ENTHD1: variants seen among roughly 807,000 people sequenced by gnomAD.
ENTHD1 encodes the protein ENTH domain containing 1.
ENTHD1 carries 23 observed loss-of-function variants against 39.1 expected under a neutral mutation model. The observed-to-expected ratio is 0.59, with a 90% confidence interval of 0.42 to 0.83. ENTHD1 has a LOEUF of 0.83. Ranked by LOEUF, ENTHD1 falls within the 40% of genes least tolerant of loss-of-function variation. The pLI is 0.00. For missense variants in ENTHD1, 624 were observed against 705.4 expected (o/e 0.88, Z 1.31); for synonymous variants, 230 against 258.2 (o/e 0.89, Z 1.05).
chr22:39,878,911 A>G (rs1053551234), intron 2 of ENTHD1, among the ~76,000 whole-genome samples: 2 of 152,160 alleles, frequency 1.3e-5, no homozygotes, highest in African/African-American at 4.8e-5. Flanking sequence ...AGAAATCAGA[A>G]TTATTTTATT....
At chr22:39,780,930 G>A (rs1443111209) in intron 5 of ENTHD1, among the ~76,000 whole-genome samples, 1 of 150,726 alleles carries the variant, frequency 6.6e-6, no homozygotes, top group African/African-American at 2.4e-5. Context: ...ACCCAGGAGG[G>A]GGAGCTTGCA....
intron 5 of ENTHD1, among the ~76,000 whole-genome samples, chr22:39,798,052 G>A (rs1359422371): frequency 6.6e-6 from 1 of 152,034 alleles, no homozygotes; most frequent in Non-Finnish European, 1.5e-5. Flanking sequence ...TCACCTTCTT[G>A]AACATCCCAG....
intron 5 of ENTHD1, among the ~76,000 whole-genome samples, chr22:39,780,247 T>C (rs1237864981): frequency 6.6e-6 from 1 of 151,858 alleles, no homozygotes; most frequent in Non-Finnish European, 1.5e-5. Context: ...TGTCATGGCA[T>C]GCGCCTGTAG....
chr22:39,839,032 T>A (rs2065925795), intron 3 of ENTHD1, among the ~76,000 whole-genome samples: 1 of 152,176 alleles, frequency 6.6e-6, no homozygotes, highest in South Asian at 2.1e-4. Context: ...AACAGTTTGC[T>A]TGTTTTTTCT....
chr22:39,756,083 G>A (rs1381098963), intron 6 of ENTHD1, among the ~76,000 whole-genome samples: 4 of 152,102 alleles, frequency 2.6e-5, no homozygotes, highest in Non-Finnish European at 4.4e-5. Flanking sequence ...CTCTAGGACT[G>A]GGAGCTTTGC....
intron 5 of ENTHD1, among the ~76,000 whole-genome samples, chr22:39,766,539 A>T (rs1457421741): frequency 6.6e-6 from 1 of 152,210 alleles, no homozygotes; most frequent in Non-Finnish European, 1.5e-5. Flanking sequence ...GGTTGTGTTC[A>T]TGAAACGAGA....
chr22:39,797,719 G>A (rs1231278555), intron 5 of ENTHD1, among the ~76,000 whole-genome samples: 2 of 152,072 alleles, frequency 1.3e-5, no homozygotes, highest in Non-Finnish European at 2.9e-5. Context: ...AGTATTCTTG[G>A]CTGGAAAGTT....
chr22:39,855,877 C>T (rs1474273909), intron 3 of ENTHD1, among the ~76,000 whole-genome samples: 4 of 152,298 alleles, frequency 2.6e-5, no homozygotes, highest in Non-Finnish European at 5.9e-5. Context: ...AAGCTGCTAG[C>T]ATTTTTGTGG....
intron 2 of ENTHD1, among the ~76,000 whole-genome samples, chr22:39,871,268 A>T (rs1160213539): frequency 6.6e-6 from 1 of 152,096 alleles, no homozygotes; most frequent in African/African-American, 2.4e-5. Context: ...TTGAACATGA[A>T]TATCTGTTCT....
intron 6 of ENTHD1, among the ~76,000 whole-genome samples, chr22:39,762,556 A>C (rs939043555): frequency 3.9e-5 from 6 of 151,940 alleles, no homozygotes; most frequent in Admixed American, 1.3e-4. Flanking sequence ...GGCTCAAGTG[A>C]TCCTCCTGCC....
At position 39,765,397 on chromosome 22, in the gene ENTHD1, C is replaced by T. The variant is rs1214498229; in HGVS notation, c.1045G>A (p.Val349Ile). Residue 349 changes from valine (V) to isoleucine (I), a missense_variant, in exon 6 of 7, where the codon GTA (valine) becomes ATA (isoleucine). Val to Ile is a conservative substitution (Grantham distance 29, BLOSUM62 3). Coordinates refer to ENST00000325157, the MANE Select transcript of ENTHD1 (RefSeq NM_152512.4). ...KEEFISPDLR[V>I]SKSDSTFHNQ... ...TGGAAAGTAGAATCTGACTTTGATA[C>T]CCTTAAGTCGGGGCTGATAAACTCC... 6.2e-7 allele frequency: 1 copy of T among 1,613,930 alleles called. No individual in the cohort carries two copies. The highest frequency in any genetic ancestry group is 8.5e-7 in the Non-Finnish European group (1 of 1,179,946).
chr22:39,893,651 A>C (rs1601677744), intron 1 of ENTHD1, 44 bp downstream of exon 1: 1 of 152,284 alleles, frequency 6.6e-6, no homozygotes. Flanking sequence ...ATGTTTCCAG[A>C]CCCGCCTTGA....
At chr22:39,766,149 G>C (rs6001674) in intron 5 of ENTHD1, among the ~76,000 whole-genome samples, 1 of 150,758 alleles carries the variant, frequency 6.6e-6, no homozygotes, top group Non-Finnish European at 1.5e-5. Flanking sequence ...ACTTTAGGTA[G>C]AAGCTTAATT....
At chr22:39,799,658 G>A (rs1414182756) in intron 5 of ENTHD1, among the ~76,000 whole-genome samples, 1 of 152,168 alleles carries the variant, frequency 6.6e-6, no homozygotes, top group Non-Finnish European at 1.5e-5. Context: ...CAGCCCATTC[G>A]TCCAGTGCGC....
chr22:39,850,841 C>A (rs567127225), intron 3 of ENTHD1, among the ~76,000 whole-genome samples: 1 of 152,134 alleles, frequency 6.6e-6, no homozygotes, highest in Admixed American at 6.5e-5. Context: ...TGGCTACCCA[C>A]TATTCTAGTT....
At chr22:39,848,156 C>T (rs1218684254) in intron 3 of ENTHD1, among the ~76,000 whole-genome samples, 1 of 152,230 alleles carries the variant, frequency 6.6e-6, no homozygotes, top group African/African-American at 2.4e-5. Context: ...TTCAAGCCAA[C>T]AATAGTGCTT....
chr22:39,841,131 T>C (rs1295893034), intron 3 of ENTHD1, among the ~76,000 whole-genome samples: 1 of 152,214 alleles, frequency 6.6e-6, no homozygotes, highest in Admixed American at 6.5e-5. Flanking sequence ...GTAACAAGAA[T>C]AGTACAAAGA....
In ENTHD1 at chr22:39,766,019, C is replaced by CAAAAAA. The variant is rs11367784; in HGVS notation, c.833-416_833-411dup. On this transcript the variant is annotated intron_variant, in intron 5 of 6. Transcript: ENST00000325157. ...TCTATCCTTACAGAACCCTCAGCTA[C>CAAAAAA]AAAAAAAAAAAAAAAAAAAAAAAAA... 4.2e-3 allele frequency among the ~76,000 whole-genome samples: 202 copies of CAAAAAA among 48,364 alleles called. 2 individuals carry two copies. Among genetic ancestry groups the CAAAAAA allele is most frequent in the South Asian group, 5.7e-3 (4 of 702 alleles). The allele number at this position is 48,364 out of a possible 152,430, so 31.7% of individuals were successfully genotyped here.
chr22:39,812,007 C>T lies in ENTHD1; in HGVS notation c.832+8986G>A, dbSNP rs1159689579. ...AAAAACAAAAACAAAAACAAACAAACAAACAAACAAAAAAAAAACGACATA... is the reference window on the plus strand; with the variant it reads ...AAAAACAAAAACAAAAACAAACAAATAAACAAACAAAAAAAAAACGACATA... On this transcript the variant is annotated intron_variant, in intron 5 of 6. Transcript: ENST00000325157. Among the ~76,000 whole-genome samples, 49 of 25,228 alleles carry T rather than the reference C, an allele frequency of 1.9e-3. 1 individual carries two copies. The highest frequency in any genetic ancestry group is 8.9e-3 in the African/African-American group (46 of 5,186). 16.6% of individuals were successfully genotyped at this position (25,228 alleles called of 152,430 possible). A position where few individuals can be genotyped will look rare whatever the true frequency, so the allele number is the denominator to read the frequency against.
Sources: gnomAD v4.1 joint callset for allele counts (sites outside exome capture counted in the v4.1 genomes callset) on GRCh38, gnomAD v4.1.1 for gene constraint, MANE v1.5 for transcripts, NCBI Gene and HGNC (gene_info 2026-07-23, HGNC 2026-07-21) for gene names.